Variants in NEGR1 observed in about 807,000 individuals in gnomAD.
NEGR1 encodes IgLON family member 4.
NEGR1 carries 10 observed loss-of-function variants against 40.9 expected under a neutral mutation model. The observed-to-expected ratio is 0.24, with a 90% CI of 0.15 to 0.42. The LOEUF is 0.42. Ranked by LOEUF, NEGR1 falls within the 10% of genes least tolerant of loss-of-function variation. NEGR1 has a pLI of 1.00. For synonymous variants in NEGR1, 185 were observed against 166.8 expected (o/e 1.11, Z -0.84); for missense variants, 352 against 438.9 (o/e 0.80, Z 1.77).
chr1:72,028,761 C>G (rs114803347), intron 1 of NEGR1, among the ~76,000 whole-genome samples: 102 of 152,288 alleles, frequency 6.7e-4, no homozygotes, highest in Non-Finnish European at 1.3e-3. Flanking sequence ...AACTTTACCA[C>G]TTTGTTTCAT....
intron 6 of NEGR1, among the ~76,000 whole-genome samples, chr1:71,583,725 G>A (rs532750325): frequency 8.5e-5 from 13 of 152,186 alleles, no homozygotes; most frequent in South Asian, 2.1e-4. Flanking sequence ...TATTCTGCCC[G>A]TTTTAGGAAA....
chr1:71,858,505 C>A (rs1659849647), intron 2 of NEGR1, among the ~76,000 whole-genome samples: 1 of 151,844 alleles, frequency 6.6e-6, no homozygotes, highest in South Asian at 2.1e-4. Flanking sequence ...ATGGAGAGTC[C>A]TATATTAAAT....
At chr1:71,942,994 ATATGTGTG>A (rs1557446746) in intron 1 of NEGR1, among the ~76,000 whole-genome samples, 5 of 142,250 alleles carry the variant, frequency 3.5e-5, no homozygotes, top group African/African-American at 1.3e-4. Flanking sequence ...ATGTGTATAT[ATATGTGTG>A]TGTATATATA....
chr1:71,526,492 C>T (rs1048909331), intron 6 of NEGR1, among the ~76,000 whole-genome samples: 1 of 151,306 alleles, frequency 6.6e-6, no homozygotes, highest in African/African-American at 2.4e-5. Context: ...AGACATTTGG[C>T]ATGACATTTA....
chr1:71,497,543 C>T (rs111587844), intron 6 of NEGR1, among the ~76,000 whole-genome samples: 2,492 of 151,878 alleles, frequency 0.016, 62 homozygotes, highest in African/African-American at 0.057. Flanking sequence ...TCCAAGAAAA[C>T]TGATTCCCAG....
chr1:71,930,577 C>T (rs1211910757), intron 2 of NEGR1, among the ~76,000 whole-genome samples: 1 of 152,128 alleles, frequency 6.6e-6, no homozygotes, highest in African/African-American at 2.4e-5. Flanking sequence ...TCCGTTTTAA[C>T]ATAAAATAGA....
At chr1:72,270,628 C>T (rs1009963079) in intron 1 of NEGR1, among the ~76,000 whole-genome samples, 60 of 151,930 alleles carry the variant, frequency 3.9e-4, no homozygotes, top group African/African-American at 1.3e-3. Context: ...TGTTCATCTT[C>T]ATCCTCTGAC....
chr1:71,822,450 A>T (rs1297564577), intron 2 of NEGR1, among the ~76,000 whole-genome samples: 1 of 152,036 alleles, frequency 6.6e-6, no homozygotes, highest in African/African-American at 2.4e-5. Flanking sequence ...CAGCACATAA[A>T]CAAAGTGTCT....
Position 72,022,298 on chromosome 1 carries a change from T to C in NEGR1, c.177-86987A>G, listed in dbSNP as rs1221016348. 6.8e-5 allele frequency among the ~76,000 whole-genome samples: 8 copies of C among 118,022 alleles called. No individual in the cohort carries two copies. The South Asian group carries it at 8.6e-4, about 13-fold the overall frequency. The allele number at this position is 118,022 out of a possible 152,430, so 77.4% of individuals were successfully genotyped here. A position where few individuals can be genotyped will look rare whatever the true frequency, so the allele number is the denominator to read the frequency against. ...ATATATATATATATATATATATATA[T>C]ATACACGAATATCCTAAAGCAAACA... On this transcript the variant is annotated intron_variant, in intron 1 of 6. Transcript: ENST00000357731.
At chr1:71,709,440 T>C (rs115193772) in intron 3 of NEGR1, among the ~76,000 whole-genome samples, 2,024 of 152,304 alleles carry the variant, frequency 0.013, 48 homozygotes, top group African/African-American at 0.046. Context: ...GCCACATGTA[T>C]GTCTTCTTTT....
chr1:72,270,050 G>A (rs772988331), intron 1 of NEGR1, among the ~76,000 whole-genome samples: 2 of 151,776 alleles, frequency 1.3e-5, no homozygotes, highest in Non-Finnish European at 2.9e-5. Flanking sequence ...AGAGTTACAA[G>A]ATAATGAGAA....
At chr1:71,604,758 G>A (rs1650027156) in intron 5 of NEGR1, among the ~76,000 whole-genome samples, 1 of 151,998 alleles carries the variant, frequency 6.6e-6, no homozygotes, top group Admixed American at 6.6e-5. Context: ...ACTTGTCTAT[G>A]CATGCATATT....
In NEGR1 at chr1:72,194,481, C is replaced by T. The variant is rs534361030; in HGVS notation, c.176+87838G>A. 4.5e-4 allele frequency among the ~76,000 whole-genome samples: 69 copies of T among 151,902 alleles called. 1 individual carries two copies. The highest frequency in any genetic ancestry group is 7.5e-4 in the Non-Finnish European group (51 of 67,952). ...CATGCTCAGGAAAGTTGCCAAGATT[C>T]CCTAGCTGTTTCTCTCAAAAACATG... is the stretch of plus-strand genomic sequence containing the variant. On this transcript the variant is annotated intron_variant, in intron 1 of 6. Coordinates refer to ENST00000357731, the MANE Select transcript of NEGR1 (RefSeq NM_173808.3).
intron 1 of NEGR1, among the ~76,000 whole-genome samples, chr1:72,072,224 T>C (rs558443842): frequency 6.6e-6 from 1 of 152,128 alleles, no homozygotes; most frequent in Non-Finnish European, 1.5e-5. Flanking sequence ...TGTACATTCC[T>C]CAAGTATACC....
intron 1 of NEGR1, among the ~76,000 whole-genome samples, chr1:72,024,891 A>T (rs1350610852): frequency 1.3e-5 from 2 of 152,188 alleles, no homozygotes; most frequent in African/African-American, 4.8e-5. Context: ...ATATACATTG[A>T]GGTACTAGAA....
At chr1:72,177,495 A>G (rs921919527) in intron 1 of NEGR1, among the ~76,000 whole-genome samples, 4 of 152,090 alleles carry the variant, frequency 2.6e-5, no homozygotes, top group African/African-American at 9.7e-5. Context: ...TTGTACATAT[A>G]CAATTCCATG....
At chr1:72,252,928 T>A (rs973505323) in intron 1 of NEGR1, among the ~76,000 whole-genome samples, 1 of 152,180 alleles carries the variant, frequency 6.6e-6, no homozygotes, top group Non-Finnish European at 1.5e-5. Context: ...AAAAATGAAT[T>A]GATGTTGCTT....
chr1:72,279,760 C>T (rs924552309), intron 1 of NEGR1, among the ~76,000 whole-genome samples: 6 of 152,050 alleles, frequency 3.9e-5, no homozygotes, highest in Admixed American at 3.9e-4. Flanking sequence ...GGTCTATGAT[C>T]AGAGGAAATT....
intron 6 of NEGR1, among the ~76,000 whole-genome samples, chr1:71,553,221 T>C (rs899901841): frequency 6.6e-6 from 1 of 151,620 alleles, no homozygotes; most frequent in African/African-American, 2.4e-5. Flanking sequence ...TTGATTTATA[T>C]CTAGCCTCTT....
Sources: gnomAD v4.1 joint callset for allele counts (sites outside exome capture counted in the v4.1 genomes callset) on GRCh38, gnomAD v4.1.1 for gene constraint, MANE v1.5 for transcripts, NCBI Gene and HGNC (gene_info 2026-07-23, HGNC 2026-07-21) for gene names.